Variants in TMEM123 observed in about 807,000 individuals in gnomAD.
TMEM123 encodes porimin.
A neutral mutation model predicts 19.7 loss-of-function variants in TMEM123; 16 were observed. The observed-to-expected ratio is 0.81, with a 90% CI of 0.55 to 1.23. The LOEUF is 1.23. Ranked by LOEUF, TMEM123 falls within the 50% of genes most tolerant of loss-of-function variation. The probability of loss-of-function intolerance (pLI) is 0.00; values close to 1 mark genes in which losing one functional copy is unlikely to be tolerated. For synonymous variants in TMEM123, 118 were observed against 99.4 expected (o/e 1.19, Z -1.12); for missense variants, 313 against 257.8 (o/e 1.21, Z -1.47).
chr11:102,401,855 C>T, intron 3 of TMEM123, 61 bp downstream of exon 3: 1 of 1,563,976 alleles, frequency 6.4e-7, no homozygotes, highest in Non-Finnish European at 8.7e-7. Flanking sequence ...AGAATAATGA[C>T]TTAAATGTGG....
At chr11:102,408,614 G>T (rs1214962169) in intron 2 of TMEM123, among the ~76,000 whole-genome samples, 1 of 152,168 alleles carries the variant, frequency 6.6e-6, no homozygotes, top group African/African-American at 2.4e-5. Flanking sequence ...CAGTCCCTGA[G>T]AAGTGCTCAA....
intron 2 of TMEM123, among the ~76,000 whole-genome samples, chr11:102,412,658 A>T (rs1167754272): frequency 1.3e-5 from 2 of 152,182 alleles, no homozygotes; most frequent in African/African-American, 4.8e-5. Context: ...TATCACTAGA[A>T]ATTTTTTAAA....
chr11:102,446,879 G>A (rs1857890176), intron 2 of TMEM123, among the ~76,000 whole-genome samples: 1 of 152,112 alleles, frequency 6.6e-6, no homozygotes, highest in Admixed American at 6.5e-5. Context: ...CTAGTGAGAG[G>A]AAATATGGCG....
chr11:102,430,535 G>A (rs776521532), intron 2 of TMEM123, among the ~76,000 whole-genome samples: 8 of 152,232 alleles, frequency 5.3e-5, no homozygotes, highest in East Asian at 1.9e-4. Flanking sequence ...AAGGCTGAAA[G>A]GGTAACTGGT....
chr11:102,452,684 G>C lies in TMEM123; in HGVS notation c.-61C>G, dbSNP rs897833224. Reference sequence around the variant, plus strand: ...CCCAGCCGAGGTGGCGGCGGCGAGAGCGGCTCCTCTGCGCAGCCGGCGCCG... The same window carrying C: ...CCCAGCCGAGGTGGCGGCGGCGAGACCGGCTCCTCTGCGCAGCCGGCGCCG... On this transcript the variant is annotated 5_prime_UTR_variant, in exon 1 of 5. Coordinates refer to ENST00000398136, the MANE Select transcript of TMEM123 (RefSeq NM_052932.3). 23 of 1,312,652 alleles carry C rather than the reference G, an allele frequency of 1.8e-5. No homozygotes were observed. The highest frequency in any genetic ancestry group is 2.3e-5 in the Non-Finnish European group (23 of 1,004,160). 81.3% of individuals were successfully genotyped at this position (1,312,652 alleles called of 1,614,324 possible).
intron 2 of TMEM123, among the ~76,000 whole-genome samples, chr11:102,429,707 T>C (rs145440400): frequency 0.016 from 2,503 of 152,336 alleles, 37 homozygotes; most frequent in Non-Finnish European, 0.027. Context: ...ATCTTATACA[T>C]AGCATCTTGT....
At chr11:102,403,235 C>G (rs1055917101) in intron 2 of TMEM123, among the ~76,000 whole-genome samples, 1 of 152,210 alleles carries the variant, frequency 6.6e-6, no homozygotes, top group East Asian at 1.9e-4. Context: ...GTCTTGAACT[C>G]CTGACTTCAA....
chr11:102,421,722 T>C (rs1358004178), intron 2 of TMEM123, among the ~76,000 whole-genome samples: 1 of 152,198 alleles, frequency 6.6e-6, no homozygotes, highest in Non-Finnish European at 1.5e-5. Flanking sequence ...TATTGTTTAA[T>C]GTTAGTAATG....
chr11:102,398,823 AGGG>A lies in TMEM123; in HGVS notation c.*41_*43del, dbSNP rs1835556714. ...TATTAATAAACCAAAATTAATTGATAGGGCAGCATCAATCTGTATTCCATCCTT... is the reference window on the plus strand; with the variant it reads ...TATTAATAAACCAAAATTAATTGATACAGCATCAATCTGTATTCCATCCTT... On this transcript the variant is annotated 3_prime_UTR_variant, in exon 5 of 5. Coordinates refer to ENST00000398136, the MANE Select transcript of TMEM123 (RefSeq NM_052932.3). 2 of 1,591,040 alleles carry A rather than the reference AGGG, an allele frequency of 1.3e-6. No homozygotes were observed. Among genetic ancestry groups the A allele is most frequent in the Non-Finnish European group, 1.7e-6 (2 of 1,170,010 alleles).
In TMEM123 at chr11:102,448,850, TTC is replaced by T. The variant is rs1857909920; in HGVS notation, c.117_118del (p.Asn40PhefsTer10). ...ACTGGAGTTGTGTGGAAGCCCAGAATTCTCTATGTTTGCAGATGCTGTAAAAA... is the reference window on the plus strand; with the variant it reads ...ACTGGAGTTGTGTGGAAGCCCAGAATTCTATGTTTGCAGATGCTGTAAAAA... On this transcript the variant is annotated frameshift_variant, in exon 2 of 5. Transcript: ENST00000398136. LOFTEE classifies it high-confidence loss of function. 1 of 1,613,708 alleles carries T rather than the reference TTC, an allele frequency of 6.2e-7. No homozygotes were observed. The highest frequency in any genetic ancestry group is 1.7e-5 in the Admixed American group (1 of 60,008).
Position 102,401,632 on chromosome 11 carries a change from A to G in TMEM123, c.509T>C (p.Val170Ala), listed in dbSNP as rs752503640. 1.2e-6 allele frequency: 2 copies of G among 1,609,188 alleles called. No individual in the cohort carries two copies. Among genetic ancestry groups the G allele is most frequent in the Non-Finnish European group, 1.7e-6 (2 of 1,178,852 alleles). The change falls in exon 4 of 5, where the codon GTT becomes GCT. Residue 170 changes from valine (V) to alanine (A), a missense_variant. By Grantham distance (64) the Val-to-Ala change is moderately conservative. Transcript: ENST00000398136. Reference protein sequence around the residue: ...KGSKFDTGSFVGGIVLTLGVL... With the variant: ...KGSKFDTGSFAGGIVLTLGVL... ...TCCCAGCGTTAATACAATACCACCA[A>G]CAAAGCTCCCAGTATCAAATTTTGA...
Position 102,397,172 on chromosome 11 carries a change from C to CA in TMEM123, c.*1694dup, listed in dbSNP as rs1451765179. On this transcript the variant is annotated 3_prime_UTR_variant, in exon 5 of 5. Coordinates refer to ENST00000398136, the MANE Select transcript of TMEM123 (RefSeq NM_052932.3). Reference sequence around the variant, plus strand: ...TGTGTTACATACATCCAATCATATCCATATTTTGGATCATTTTTTTCTATA... The same window carrying CA: ...TGTGTTACATACATCCAATCATATCCAATATTTTGGATCATTTTTTTCTATA... 6.6e-6 allele frequency: 1 copy of CA among 152,230 alleles called. No individual in the cohort carries two copies. Among genetic ancestry groups the CA allele is most frequent in the African/African-American group, 2.4e-5 (1 of 41,554 alleles). 9.4% of individuals were successfully genotyped at this position (152,230 alleles called of 1,614,324 possible).
intron 2 of TMEM123, among the ~76,000 whole-genome samples, chr11:102,422,681 G>A (rs988133121): frequency 8.6e-5 from 13 of 151,884 alleles, no homozygotes; most frequent in African/African-American, 1.7e-4. Flanking sequence ...ACATAATACC[G>A]TGCTTTTCAT....
intron 1 of TMEM123, 179 bp downstream of exon 1, chr11:102,452,345 A>C (rs1284925383): frequency 6.7e-6 from 3 of 444,716 alleles, no homozygotes; most frequent in Non-Finnish European, 1.1e-5. Flanking sequence ...CCCCGGGGCC[A>C]GCGGGTGACT....
intron 2 of TMEM123, among the ~76,000 whole-genome samples, chr11:102,443,573 G>A (rs1396024572): frequency 6.6e-6 from 1 of 152,072 alleles, no homozygotes; most frequent in Non-Finnish European, 1.5e-5. Flanking sequence ...TTAAATGTTA[G>A]ACCTAAAACC....
intron 4 of TMEM123, among the ~76,000 whole-genome samples, chr11:102,401,212 A>C (rs1163817012): frequency 1.3e-5 from 2 of 152,192 alleles, no homozygotes; most frequent in Non-Finnish European, 2.9e-5. Flanking sequence ...CTAAGTCAAA[A>C]GCCTGCTGGG....
intron 2 of TMEM123, chr11:102,448,259 G>T (rs1367958999): frequency 1.1e-5 from 5 of 456,082 alleles, no homozygotes; most frequent in Non-Finnish European, 2.2e-5. Context: ...TACTGATATT[G>T]ATGACATCAG....
chr11:102,437,745 C>T (rs1857779638), intron 2 of TMEM123, among the ~76,000 whole-genome samples: 1 of 152,176 alleles, frequency 6.6e-6, no homozygotes, highest in Admixed American at 6.5e-5. Flanking sequence ...AACAAGAATC[C>T]ACATTCTAAG....
At chr11:102,439,859 T>C (rs1397432640) in intron 2 of TMEM123, among the ~76,000 whole-genome samples, 1 of 151,302 alleles carries the variant, frequency 6.6e-6, no homozygotes, top group Admixed American at 6.5e-5. Context: ...AGACCTTAAA[T>C]GACCTGATGG....
Sources: allele counts gnomAD v4.1 joint callset (sites outside exome capture counted in the v4.1 genomes callset), GRCh38; gene constraint gnomAD v4.1.1; transcripts MANE v1.5; gene names NCBI Gene and HGNC (gene_info 2026-07-23, HGNC 2026-07-21).